ITPK1: variants seen among roughly 807,000 people sequenced by gnomAD.
The protein encoded by ITPK1 is inositol-tetrakisphosphate 1-kinase.
A neutral mutation model predicts 45.3 loss-of-function variants in ITPK1; 21 were observed. The observed-to-expected ratio is 0.46, with a 90% confidence interval of 0.33 to 0.67. The LOEUF is 0.67. Ranked by LOEUF, ITPK1 falls within the 30% of genes least tolerant of loss-of-function variation. ITPK1 has a pLI of 0.02. For missense variants in ITPK1, 474 were observed against 573.5 expected, an observed-to-expected ratio of 0.83 and a Z score of 1.77; for synonymous variants, 258 against 253.6, an observed-to-expected ratio of 1.02 and a Z score of -0.16.
intron 5 of ITPK1, among the ~76,000 whole-genome samples, chr14:92,976,649 G>C (rs1885958806): frequency 6.6e-6 from 1 of 152,252 alleles, no homozygotes; most frequent in Non-Finnish European, 1.5e-5. Flanking sequence ...AATGCAGTGT[G>C]CTCTGCGCCA....
chr14:93,078,231 G>A (rs978951425), intron 2 of ITPK1, among the ~76,000 whole-genome samples: 1 of 152,202 alleles, frequency 6.6e-6, no homozygotes, highest in Admixed American at 6.5e-5. Context: ...AGCCCCACAG[G>A]AACCTTTGGG....
chr14:92,996,656 T>C (rs1011049159), intron 4 of ITPK1, among the ~76,000 whole-genome samples: 2 of 152,080 alleles, frequency 1.3e-5, no homozygotes, highest in African/African-American at 2.4e-5. Context: ...GTGCAGCAGA[T>C]ACTCAGATGA....
intron 2 of ITPK1, among the ~76,000 whole-genome samples, chr14:93,079,522 G>A (rs1891356138): frequency 6.6e-6 from 1 of 152,304 alleles, no homozygotes; most frequent in African/African-American, 2.4e-5. Context: ...GGCAAGGGTG[G>A]CACCAAGCTG....
chr14:93,026,508 C>T (rs1888734553), intron 3 of ITPK1, among the ~76,000 whole-genome samples: 1 of 152,164 alleles, frequency 6.6e-6, no homozygotes, highest in African/African-American at 2.4e-5. Context: ...CAGACTGTAT[C>T]GGCCAGGGCT....
chr14:92,938,586 A>T lies in ITPK1; in HGVS notation c.*2975T>A. 7.1e-7 allele frequency: 1 copy of T among 1,400,678 alleles called. No individual in the cohort carries two copies. The highest frequency in any genetic ancestry group is 2.3e-5 in the East Asian group (1 of 43,546). 86.8% of individuals were successfully genotyped at this position (1,400,678 alleles called of 1,614,324 possible). On this transcript the variant is annotated 3_prime_UTR_variant, in exon 11 of 11. Coordinates refer to ENST00000267615, the MANE Select transcript of ITPK1 (RefSeq NM_014216.6). ...TTTCTCCTTTATTGACAGGCATGAG[A>T]CACAGGCAGGCCCAGGCACAGGAAG...
intron 4 of ITPK1, among the ~76,000 whole-genome samples, chr14:93,007,433 C>T (rs1465531408): frequency 1.3e-5 from 2 of 151,214 alleles, no homozygotes; most frequent in East Asian, 2.0e-4. Context: ...CCCATGGGCT[C>T]CCCTGCCTTG....
chr14:92,960,333 G>A (rs557569942), intron 7 of ITPK1, among the ~76,000 whole-genome samples: 1 of 152,290 alleles, frequency 6.6e-6, no homozygotes, highest in African/African-American at 2.4e-5. Flanking sequence ...GGTGCACCTG[G>A]ATCCAGAACC....
intron 3 of ITPK1, among the ~76,000 whole-genome samples, chr14:93,025,030 T>C (rs1888668841): frequency 6.6e-6 from 1 of 152,140 alleles, no homozygotes. Context: ...TTGCCCCAGT[T>C]CCAGGAGAAC....
intron 2 of ITPK1, among the ~76,000 whole-genome samples, chr14:93,093,472 T>C (rs921366387): frequency 6.6e-6 from 1 of 152,198 alleles, no homozygotes; most frequent in Non-Finnish European, 1.5e-5. Context: ...CCCTTCCTCA[T>C]GAAGTCAGGC....
At chr14:93,099,500 C>T (rs1018815966) in intron 2 of ITPK1, among the ~76,000 whole-genome samples, 12 of 152,224 alleles carry the variant, frequency 7.9e-5, no homozygotes, top group African/African-American at 2.7e-4. Context: ...GGCAGCATTT[C>T]CCAAGGCCCG....
chr14:93,099,048 A>G lies in ITPK1; in HGVS notation c.95+16021T>C, dbSNP rs762834439. Among the ~76,000 whole-genome samples the G allele has an allele frequency of 3.9e-5, 6 of 152,186 alleles. No homozygotes were observed. The East Asian group carries it at 7.7e-4, about 20-fold the overall frequency. On this transcript the variant is annotated intron_variant, in intron 2 of 10. Transcript: ENST00000267615. Reference sequence around the variant, plus strand: ...GGGCCCTCGGAACTGGGGCCCTGATATATGGAACATCCTGGGTTTGTGGCC... The same window carrying G: ...GGGCCCTCGGAACTGGGGCCCTGATGTATGGAACATCCTGGGTTTGTGGCC...
chr14:93,046,588 C>T lies in ITPK1; in HGVS notation c.121-29787G>A, dbSNP rs575926581. 1.4e-4 allele frequency among the ~76,000 whole-genome samples: 13 copies of T among 89,662 alleles called. No individual in the cohort carries two copies. In the East Asian group the frequency reaches 2.6e-3, roughly 18 times the overall value. The allele number at this position is 89,662 out of a possible 152,430, so 58.8% of individuals were successfully genotyped here. A position where few individuals can be genotyped will look rare whatever the true frequency, so the allele number is the denominator to read the frequency against. On this transcript the variant is annotated intron_variant, in intron 3 of 10. Coordinates refer to ENST00000267615, the MANE Select transcript of ITPK1 (RefSeq NM_014216.6). ...AGGTAAGCAGGGATGGCCCAGCAGCCGGGGGCGGGGGGGGGCGGCGGGGGG... is the reference window on the plus strand; with the variant it reads ...AGGTAAGCAGGGATGGCCCAGCAGCTGGGGGCGGGGGGGGGCGGCGGGGGG...
Position 92,938,759 on chromosome 14 carries a change from C to T in ITPK1, c.*2802G>A. 1 of 592,502 alleles carries T rather than the reference C, an allele frequency of 1.7e-6. No homozygotes were observed. The highest frequency in any genetic ancestry group is 2.8e-5 in the East Asian group (1 of 35,772). 36.7% of individuals were successfully genotyped at this position (592,502 alleles called of 1,614,324 possible). ...CAGTTCCAGGGTGGCCTCCCCTTGG[C>T]TCTTGGGGTGGGGACACCCAGCAGC... On this transcript the variant is annotated 3_prime_UTR_variant, in exon 11 of 11. Coordinates refer to ENST00000267615, the MANE Select transcript of ITPK1 (RefSeq NM_014216.6).
chr14:93,066,406 TC>T (rs1336054098), intron 3 of ITPK1: 19 of 331,442 alleles, frequency 5.7e-5, no homozygotes, highest in South Asian at 1.3e-4. Context: ...ATTTAGCAAT[TC>T]TTTTTTTTTT....
chr14:92,997,178 C>G lies in ITPK1; in HGVS notation c.247-3181G>C, dbSNP rs151144399. Among the ~76,000 whole-genome samples the G allele has an allele frequency of 4.0e-3, 602 of 152,320 alleles. 6 individuals are homozygous for G. Among genetic ancestry groups the G allele is most frequent in the Non-Finnish European group, 5.8e-3 (394 of 68,024 alleles). On this transcript the variant is annotated intron_variant, in intron 4 of 10. Coordinates refer to ENST00000267615, the MANE Select transcript of ITPK1 (RefSeq NM_014216.6). ...ATGGGATGACCCAATTCTCCCTCAG[C>G]AACCGAGGCCACTTAGAACACAGAT...
chr14:93,087,712 G>A (rs1188717001), intron 2 of ITPK1, among the ~76,000 whole-genome samples: 2 of 152,176 alleles, frequency 1.3e-5, no homozygotes, highest in East Asian at 1.9e-4. Flanking sequence ...CTCAGACATC[G>A]CCTGGAAGCA....
intron 3 of ITPK1, among the ~76,000 whole-genome samples, chr14:93,074,730 G>A (rs970474609): frequency 3.3e-5 from 5 of 152,204 alleles, no homozygotes; most frequent in African/African-American, 4.8e-5. Flanking sequence ...AAGGATCCGT[G>A]GATTTCCCAG....
intron 4 of ITPK1, among the ~76,000 whole-genome samples, chr14:93,007,671 AAG>A (rs1314399311): frequency 6.6e-6 from 1 of 152,072 alleles, no homozygotes; most frequent in African/African-American, 2.4e-5. Context: ...GGTGCACAAT[AAG>A]AGAGACAGAT....
intron 3 of ITPK1, among the ~76,000 whole-genome samples, chr14:93,046,702 C>T (rs759091325): frequency 2.0e-4 from 31 of 152,100 alleles, no homozygotes; most frequent in African/African-American, 6.3e-4. Flanking sequence ...CCATTTCTTT[C>T]GGACTGCACA....
Sources: allele counts gnomAD v4.1 joint callset (sites outside exome capture counted in the v4.1 genomes callset), GRCh38; gene constraint gnomAD v4.1.1; transcripts MANE v1.5; gene names NCBI Gene and HGNC (gene_info 2026-07-23, HGNC 2026-07-21).